Variants in TSHZ2 observed in about 807,000 individuals in gnomAD.
TSHZ2 encodes teashirt homolog 2.
A neutral mutation model predicts 74.4 loss-of-function variants in TSHZ2; 21 were observed. The ratio of observed to expected loss-of-function variants is 0.28; its 90% CI spans 0.20 to 0.41. TSHZ2 has a LOEUF of 0.41. Ranked by LOEUF, TSHZ2 falls within the 10% of genes least tolerant of loss-of-function variation. TSHZ2 has a pLI of 1.00. For synonymous variants in TSHZ2, 540 were observed against 515.3 expected (o/e 1.05, Z -0.65); for missense variants, 1,244 against 1,293.5 (o/e 0.96, Z 0.59).
At chr20:53,375,024 C>T (rs146651704) in intron 2 of TSHZ2, among the ~76,000 whole-genome samples, 42 of 151,818 alleles carry the variant, frequency 2.8e-4, no homozygotes, top group Admixed American at 7.2e-4. Flanking sequence ...TATTTTGAGG[C>T]ATTTATTTCA....
chr20:53,255,784 G>A lies in TSHZ2; in HGVS notation c.2326G>A (p.Glu776Lys), dbSNP rs774711266. ...DLTKSKSKKA[E>K]SSQAQSCMSP... Reference sequence around the variant, plus strand: ...GACCAAGTCCAAAAGCAAGAAAGCCGAGTCCTCGCAAGCACAATCTTGTAT... The same window carrying A: ...GACCAAGTCCAAAAGCAAGAAAGCCAAGTCCTCGCAAGCACAATCTTGTAT... The change falls in exon 2 of 3, where the codon GAG (glutamate) becomes AAG (lysine). Residue 776 changes from glutamate (E) to lysine (K), a missense_variant. Physicochemically the swap from Glu to Lys is moderately conservative, Grantham distance 56. Around this residue, in one of 6 missense-constraint regions of TSHZ2, gnomAD observed 562 missense variants for 544.0 expected, o/e 1.03. Coordinates refer to ENST00000371497, the MANE Select transcript of TSHZ2 (RefSeq NM_173485.6). The surrounding 1 kb of genome is among the most constrained non-coding windows in gnomAD (Gnocchi z 4.1). The A allele has an allele frequency of 1.4e-5, 23 of 1,613,828 alleles. No homozygotes were observed. Among genetic ancestry groups the A allele is most frequent in the East Asian group, 2.2e-5 (1 of 44,886 alleles).
chr20:53,026,578 A>G (rs1983453490), intron 1 of TSHZ2, among the ~76,000 whole-genome samples: 2 of 152,156 alleles, frequency 1.3e-5, no homozygotes. Flanking sequence ...TTCTATAGCT[A>G]TCATACATCC....
At chr20:53,293,308 C>T (rs959707323) in intron 2 of TSHZ2, among the ~76,000 whole-genome samples, 1 of 152,054 alleles carries the variant, frequency 6.6e-6, no homozygotes, top group African/African-American at 2.4e-5. Context: ...ACTAAAAATA[C>T]AAAAATTAGC....
intron 2 of TSHZ2, among the ~76,000 whole-genome samples, chr20:53,266,737 T>C (rs1415878189): frequency 6.6e-6 from 1 of 151,672 alleles, no homozygotes; most frequent in Non-Finnish European, 1.5e-5. Context: ...CTTGGCCTTG[T>C]GGAGTTCTAG....
intron 2 of TSHZ2, among the ~76,000 whole-genome samples, chr20:53,350,389 C>T (rs1980602718): frequency 6.6e-6 from 1 of 152,212 alleles, no homozygotes; most frequent in Admixed American, 6.5e-5. Context: ...GGATGGACCT[C>T]TAGGACGGTG....
Position 53,248,962 on chromosome 20 carries a change from C to T in TSHZ2, c.41-4537C>T, listed in dbSNP as rs548742943. On this transcript the variant is annotated intron_variant, in intron 1 of 2. Transcript: ENST00000371497. ...AAGTGGTTCTCCTGCCTCAGCCTCC[C>T]GAGTAGCTGGGATTACAAGCGTGTG... Among the ~76,000 whole-genome samples the T allele has an allele frequency of 6.6e-5, 10 of 152,140 alleles. No individual in the cohort carries two copies. In the South Asian group the frequency reaches 1.7e-3, roughly 25 times the overall value.
intron 2 of TSHZ2, among the ~76,000 whole-genome samples, chr20:53,476,536 A>G (rs1985998717): frequency 1.3e-5 from 2 of 149,196 alleles, no homozygotes; most frequent in South Asian, 2.1e-4. Context: ...ATCTATGACA[A>G]ACCCACAGCC....
chr20:53,238,075 C>T (rs1035790353), intron 1 of TSHZ2, among the ~76,000 whole-genome samples: 1 of 152,046 alleles, frequency 6.6e-6, no homozygotes, highest in Non-Finnish European at 1.5e-5. Context: ...TTGTGTTCTG[C>T]CCTTTTGTCT....
At chr20:53,390,360 T>A (rs1219668732) in intron 2 of TSHZ2, among the ~76,000 whole-genome samples, 1 of 152,168 alleles carries the variant, frequency 6.6e-6, no homozygotes, top group Non-Finnish European at 1.5e-5. Context: ...TGCTTTTCTG[T>A]ATACACTAGT....
At chr20:53,367,631 C>T (rs1041581375) in intron 2 of TSHZ2, among the ~76,000 whole-genome samples, 5 of 151,322 alleles carry the variant, frequency 3.3e-5, no homozygotes, top group African/African-American at 1.2e-4. Context: ...AGTGCAGTGG[C>T]GCGATCTCGG....
chr20:53,217,067 C>T (rs1989453864), intron 1 of TSHZ2, among the ~76,000 whole-genome samples: 1 of 152,172 alleles, frequency 6.6e-6, no homozygotes. Flanking sequence ...AGTCTGTGGT[C>T]GCATTACATA....
chr20:53,464,884 A>C (rs933406976), intron 2 of TSHZ2, among the ~76,000 whole-genome samples: 1 of 152,190 alleles, frequency 6.6e-6, no homozygotes, highest in Non-Finnish European at 1.5e-5. Flanking sequence ...CTCCTGCCTC[A>C]GCCTTGCAAG....
chr20:53,121,790 C>A (rs1986817765), intron 1 of TSHZ2, among the ~76,000 whole-genome samples: 1 of 152,020 alleles, frequency 6.6e-6, no homozygotes, highest in Non-Finnish European at 1.5e-5. Flanking sequence ...AGACTCTTCT[C>A]TAAGTTTCTC....
intron 2 of TSHZ2, among the ~76,000 whole-genome samples, chr20:53,300,004 A>G (rs1318521886): frequency 6.6e-6 from 1 of 152,200 alleles, no homozygotes; most frequent in Admixed American, 6.5e-5. Flanking sequence ...TGTTCAGCTA[A>G]TTCCCTGCCA....
chr20:53,081,123 C>T (rs1985520965), intron 1 of TSHZ2, among the ~76,000 whole-genome samples: 1 of 152,210 alleles, frequency 6.6e-6, no homozygotes, highest in Non-Finnish European at 1.5e-5. Flanking sequence ...TCAAGCAGTC[C>T]TCCTGCCTCA....
intron 1 of TSHZ2, among the ~76,000 whole-genome samples, chr20:53,212,888 C>A (rs1277401550): frequency 2.0e-5 from 3 of 152,116 alleles, no homozygotes; most frequent in Non-Finnish European, 4.4e-5. Flanking sequence ...AGGGGGATGA[C>A]GTGCTCCAAA....
chr20:53,374,765 T>C (rs570459290), intron 2 of TSHZ2, among the ~76,000 whole-genome samples: 2 of 152,326 alleles, frequency 1.3e-5, no homozygotes, highest in African/African-American at 4.8e-5. Flanking sequence ...CATTTTCTCA[T>C]ATGCTTCTTG....
At chr20:53,098,913 G>C (rs1986133771) in intron 1 of TSHZ2, among the ~76,000 whole-genome samples, 1 of 152,202 alleles carries the variant, frequency 6.6e-6, no homozygotes, top group South Asian at 2.1e-4. Context: ...GTGGTTTTCT[G>C]TATCCTTCTG....
chr20:53,443,231 G>T (rs1984408537), intron 2 of TSHZ2, among the ~76,000 whole-genome samples: 1 of 152,086 alleles, frequency 6.6e-6, no homozygotes, highest in African/African-American at 2.4e-5. Flanking sequence ...TGCTTGAAAT[G>T]CCATGAAATA....
Sources: gnomAD v4.1 joint callset for allele counts (sites outside exome capture counted in the v4.1 genomes callset) on GRCh38, gnomAD v4.1.1 for gene constraint, gnomAD v4.1.1 regional missense constraint, Gnocchi (gnomAD v3.1) non-coding constraint, MANE v1.5 for transcripts, NCBI Gene and HGNC (gene_info 2026-07-23, HGNC 2026-07-21) for gene names.